The following MELK variants were observed in gnomAD, a reference collection of about 807,000 sequenced individuals.
MELK encodes maternal embryonic leucine zipper kinase, also known as pEg3 kinase.
In MELK, 81 loss-of-function variants were observed where a neutral mutation model predicts 85.0. The observed-to-expected ratio is 0.95, with a 90% CI of 0.80 to 1.15. The LOEUF (loss-of-function observed/expected upper bound fraction) is 1.15, where lower values mean the gene tolerates loss of function less well. MELK is among the 50% of genes most tolerant of loss of function. The pLI is 0.00. For missense variants in MELK, 754 were observed against 777.5 expected (o/e 0.97, Z 0.36); for synonymous variants, 252 against 265.0 (o/e 0.95, Z 0.48).
At chr9:36,635,145 TAATTG>T (rs1456635712) in intron 10 of MELK, among the ~76,000 whole-genome samples, 1 of 152,220 alleles carries the variant, frequency 6.6e-6, no homozygotes, top group African/African-American at 2.4e-5. Flanking sequence ...AGGAAATTCT[TAATTG>T]AAACTGGCTT....
At chr9:36,607,520 G>T in intron 7 of MELK, 55 bp from the exon 8 acceptor site, 1 of 1,313,320 alleles carries the variant, frequency 7.6e-7, no homozygotes, top group South Asian at 1.2e-5. Context: ...CTACCATTCT[G>T]AAATATGTTT....
rs1201091910 is a variant in MELK, at chr9:36,616,037, G to C, written c.666+8364G>C. ...CTTGCCCTCGGGCCCCGCGGGGCCC[G>C]TCCGCTCCTCCAGCCGCTGCTTCCC... is the stretch of plus-strand genomic sequence containing the variant. On this transcript the variant is annotated intron_variant, in intron 8 of 17. Transcript: ENST00000298048. Among the ~76,000 whole-genome samples, 3 of 152,222 alleles carry C rather than the reference G, an allele frequency of 2.0e-5. No individual in the cohort carries two copies. In the East Asian group the frequency reaches 5.8e-4, roughly 29 times the overall value.
At chr9:36,603,136 C>T (rs977138897) in intron 7 of MELK, among the ~76,000 whole-genome samples, 8 of 151,966 alleles carry the variant, frequency 5.3e-5, no homozygotes, top group South Asian at 2.1e-4. Context: ...TTTTCTTGTC[C>T]GTGTTAGTTC....
At chr9:36,653,432 G>A (rs1830906876) in intron 12 of MELK, among the ~76,000 whole-genome samples, 1 of 152,160 alleles carries the variant, frequency 6.6e-6, no homozygotes, top group Non-Finnish European at 1.5e-5. Context: ...TGGCATGAGT[G>A]ACTGCACCTG....
intron 3 of MELK, among the ~76,000 whole-genome samples, chr9:36,584,769 G>A (rs1049726559): frequency 1.4e-5 from 2 of 147,386 alleles, no homozygotes; most frequent in African/African-American, 5.1e-5. Flanking sequence ...CCAGGCTGGA[G>A]TGCAGTTGCA....
intron 12 of MELK, among the ~76,000 whole-genome samples, chr9:36,656,020 A>C (rs1831207154): frequency 6.6e-6 from 1 of 152,196 alleles, no homozygotes; most frequent in Non-Finnish European, 1.5e-5. Flanking sequence ...AAAAGGAAGG[A>C]AGGAGAAATA....
intron 12 of MELK, among the ~76,000 whole-genome samples, chr9:36,654,445 T>TC (rs772219654): frequency 3.0e-5 from 4 of 134,634 alleles, no homozygotes; most frequent in Non-Finnish European, 6.2e-5. Context: ...AACCTCCGCC[T>TC]CCTGGGTTCA....
At chr9:36,602,145 A>C (rs572275975) in intron 7 of MELK, among the ~76,000 whole-genome samples, 1 of 152,104 alleles carries the variant, frequency 6.6e-6, no homozygotes, top group African/African-American at 2.4e-5. Flanking sequence ...TGGAATCTCC[A>C]TACTGTTTTC....
intron 7 of MELK, among the ~76,000 whole-genome samples, chr9:36,604,537 T>G (rs2135735302): frequency 6.6e-6 from 1 of 151,878 alleles, no homozygotes; most frequent in Non-Finnish European, 1.5e-5. Context: ...AAGGACTGCT[T>G]GAGTCCAACA....
rs561705411 is a variant in MELK at position 36,598,445 on chromosome 9, C to T, written c.475-949C>T. Among the ~76,000 whole-genome samples the T allele has an allele frequency of 6.6e-4, 100 of 152,270 alleles. 2 individuals are homozygous for T. The highest frequency in any genetic ancestry group is 3.2e-3 in the Admixed American group (49 of 15,304). ...TGTTTCAGTTGTAAATGACATCTCA[C>T]AATTCACAAATCCTTTGCCAGCTGT... On this transcript the variant is annotated intron_variant, in intron 6 of 17. Coordinates refer to ENST00000298048, the MANE Select transcript of MELK (RefSeq NM_014791.4).
chr9:36,625,204 G>C (rs1827814676), intron 8 of MELK, among the ~76,000 whole-genome samples: 1 of 152,114 alleles, frequency 6.6e-6, no homozygotes, highest in South Asian at 2.1e-4. Flanking sequence ...TGTGATCAGA[G>C]ACTCAGGCAG....
chr9:36,615,751 A>T (rs1318047640), intron 8 of MELK, among the ~76,000 whole-genome samples: 1 of 145,804 alleles, frequency 6.9e-6, no homozygotes, highest in Non-Finnish European at 1.5e-5. Flanking sequence ...CACATCTCAG[A>T]CGATGGGCGG....
chr9:36,670,885 GC>G, intron 15 of MELK, 112 bp from the exon 16 acceptor site: 1 of 1,105,384 alleles, frequency 9.0e-7, no homozygotes, highest in Non-Finnish European at 1.2e-6. Flanking sequence ...TCTGGCCCTG[GC>G]ATACCTGAGT....
At chr9:36,616,892 C>T (rs1037281692) in intron 8 of MELK, among the ~76,000 whole-genome samples, 2 of 150,096 alleles carry the variant, frequency 1.3e-5, no homozygotes, top group African/African-American at 4.9e-5. Flanking sequence ...TTGTTTTCCT[C>T]CCTTAGCAGT....
intron 11 of MELK, 85 bp from the exon 12 acceptor site, chr9:36,651,661 A>G (rs776837310): frequency 4.1e-5 from 61 of 1,498,608 alleles, no homozygotes; most frequent in Non-Finnish European, 5.3e-5. Context: ...TGAATGTTAC[A>G]CTGAAGAAAA....
At chr9:36,654,615 C>T (rs1831049912) in intron 12 of MELK, among the ~76,000 whole-genome samples, 2 of 151,962 alleles carry the variant, frequency 1.3e-5, no homozygotes, top group South Asian at 4.2e-4. Context: ...CTCAGCCTCC[C>T]AAAGTGCTGG....
At chr9:36,604,335 A>G (rs1430908675) in intron 7 of MELK, among the ~76,000 whole-genome samples, 3 of 119,092 alleles carry the variant, frequency 2.5e-5, no homozygotes, top group Non-Finnish European at 4.8e-5. Flanking sequence ...CTGGAGTGCG[A>G]TGGTGCAATC....
At chr9:36,626,427 A>G (rs1172306502) in intron 8 of MELK, among the ~76,000 whole-genome samples, 1 of 152,186 alleles carries the variant, frequency 6.6e-6, no homozygotes, top group East Asian at 1.9e-4. Flanking sequence ...AGGCTCCAGA[A>G]GGTCTTCGGG....
At chr9:36,593,902 G>A (rs1481983522) in intron 4 of MELK, among the ~76,000 whole-genome samples, 6 of 152,050 alleles carry the variant, frequency 3.9e-5, no homozygotes, top group Non-Finnish European at 7.4e-5. Context: ...GGCTGGTCTC[G>A]AACTCCTGAT....
Sources: gnomAD v4.1 joint callset for allele counts (sites outside exome capture counted in the v4.1 genomes callset) on GRCh38, gnomAD v4.1.1 for gene constraint, MANE v1.5 for transcripts, NCBI Gene and HGNC (gene_info 2026-07-23, HGNC 2026-07-21) for gene names.